Variants in CSMD1 observed in about 807,000 individuals in gnomAD.
CSMD1 encodes the protein CUB and Sushi multiple domains 1, also known as CUB and sushi domain-containing protein 1.
CSMD1 carries 213 observed loss-of-function variants against 417.5 expected under a neutral mutation model. The ratio of observed to expected loss-of-function variants is 0.51; its 90% CI spans 0.46 to 0.57. The LOEUF (loss-of-function observed/expected upper bound fraction) is 0.57, where lower values mean the gene tolerates loss of function less well. Ranked by LOEUF, CSMD1 falls within the 20% of genes least tolerant of loss-of-function variation. CSMD1 has a pLI of 0.00. For missense variants in CSMD1, 6,923 were observed against 4,529.7 expected, an observed-to-expected ratio of 1.53 and a Z score of -15.17; for synonymous variants, 2,862 against 1,736.8, an observed-to-expected ratio of 1.65 and a Z score of -16.11.
intron 1 of CSMD1, among the ~76,000 whole-genome samples, chr8:4,743,443 G>A (rs917774801): frequency 6.6e-6 from 1 of 152,146 alleles, no homozygotes; most frequent in African/African-American, 2.4e-5. Context: ...TGTCAAGAAT[G>A]AGCAGAGTAG....
chr8:4,312,329 A>C (rs936034916), intron 3 of CSMD1, among the ~76,000 whole-genome samples: 3 of 150,622 alleles, frequency 2.0e-5, no homozygotes, highest in Non-Finnish European at 4.4e-5. Flanking sequence ...CTACTTTTTT[A>C]AAAGCAATTT....
intron 2 of CSMD1, among the ~76,000 whole-genome samples, chr8:4,573,892 T>A (rs1265309141): frequency 6.6e-6 from 1 of 152,176 alleles, no homozygotes; most frequent in Non-Finnish European, 1.5e-5. Context: ...TCTGCCCAGT[T>A]CAAACTTCCT....
intron 30 of CSMD1, among the ~76,000 whole-genome samples, chr8:3,210,042 C>T (rs1406971174): frequency 3.3e-5 from 5 of 152,098 alleles, no homozygotes; most frequent in Non-Finnish European, 7.4e-5. Context: ...AAACATTACC[C>T]CACGCATCTA....
chr8:4,045,337 T>C (rs1420847906), intron 3 of CSMD1, among the ~76,000 whole-genome samples: 2 of 152,140 alleles, frequency 1.3e-5, no homozygotes, highest in African/African-American at 2.4e-5. Flanking sequence ...CCATCAATTG[T>C]GTATGATATG....
At chr8:3,356,229 A>G (rs1485896932) in intron 21 of CSMD1, among the ~76,000 whole-genome samples, 1 of 152,200 alleles carries the variant, frequency 6.6e-6, no homozygotes, top group East Asian at 1.9e-4. Flanking sequence ...ATAATTTTAG[A>G]GAAAGGAACA....
intron 1 of CSMD1, among the ~76,000 whole-genome samples, chr8:4,855,808 G>C (rs1352291293): frequency 6.6e-6 from 1 of 151,526 alleles, no homozygotes; most frequent in African/African-American, 2.4e-5. Flanking sequence ...TGAAAGTGAT[G>C]GGGAGAATGG....
intron 5 of CSMD1, among the ~76,000 whole-genome samples, chr8:3,949,231 A>C (rs1225274023): frequency 6.6e-6 from 1 of 152,154 alleles, no homozygotes; most frequent in African/African-American, 2.4e-5. Flanking sequence ...TTCTGTTAGC[A>C]ATTTTGAAAA....
intron 25 of CSMD1, among the ~76,000 whole-genome samples, chr8:3,305,842 G>C (rs547253461): frequency 1.3e-5 from 2 of 152,146 alleles, no homozygotes; most frequent in East Asian, 3.9e-4. Flanking sequence ...ACCACGTGTG[G>C]CTAATTTTTT....
intron 3 of CSMD1, among the ~76,000 whole-genome samples, chr8:4,105,823 C>A (rs1210246892): frequency 6.6e-6 from 1 of 152,172 alleles, no homozygotes; most frequent in Non-Finnish European, 1.5e-5. Flanking sequence ...TACTTGTCAC[C>A]CCTTTTGCTG....
intron 5 of CSMD1, among the ~76,000 whole-genome samples, chr8:3,988,234 G>C (rs963782009): frequency 6.6e-5 from 10 of 152,060 alleles, no homozygotes; most frequent in Non-Finnish European, 1.2e-4. Context: ...ACTCAATATT[G>C]AACCTCGGCT....
chr8:4,241,586 T>C (rs139883985), intron 3 of CSMD1, among the ~76,000 whole-genome samples: 56 of 152,348 alleles, frequency 3.7e-4, no homozygotes, highest in Admixed American at 1.1e-3. Context: ...GGACCCTAAA[T>C]ACCCGGAACA....
intron 3 of CSMD1, among the ~76,000 whole-genome samples, chr8:4,302,521 G>T (rs921085499): frequency 3.3e-5 from 5 of 152,108 alleles, no homozygotes; most frequent in Admixed American, 6.6e-5. Flanking sequence ...CTTGCATGTA[G>T]GAAGTCAGAT....
intron 10 of CSMD1, among the ~76,000 whole-genome samples, chr8:3,504,397 C>A (rs1252110793): frequency 6.6e-6 from 1 of 152,122 alleles, no homozygotes; most frequent in Non-Finnish European, 1.5e-5. Flanking sequence ...GCCGATTTCC[C>A]TGGGGGATTT....
intron 39 of CSMD1, among the ~76,000 whole-genome samples, chr8:3,154,880 T>G (rs764978471): frequency 6.6e-6 from 1 of 152,144 alleles, no homozygotes; most frequent in Non-Finnish European, 1.5e-5. Context: ...TCTATGGACT[T>G]CTCCTCTTAC....
At position 3,383,167 on chromosome 8, in the gene CSMD1, T is replaced by C. The variant is rs369295579; in HGVS notation, c.2782+4327A>G. 3.3e-5 allele frequency among the ~76,000 whole-genome samples: 5 copies of C among 152,314 alleles called. No homozygotes were observed. The East Asian group carries it at 9.6e-4, about 29-fold the overall frequency. On this transcript the variant is annotated intron_variant, in intron 18 of 69. Coordinates refer to ENST00000635120, the MANE Select transcript of CSMD1 (RefSeq NM_033225.6). ...AAAAGATAAACATAAGTTTTTACTTTTAGGGGTGATTAACAAGTTATAGAT... is the reference window on the plus strand; with the variant it reads ...AAAAGATAAACATAAGTTTTTACTTCTAGGGGTGATTAACAAGTTATAGAT...
At chr8:4,352,817 T>C (rs1018292440) in intron 3 of CSMD1, among the ~76,000 whole-genome samples, 1 of 152,218 alleles carries the variant, frequency 6.6e-6, no homozygotes, top group African/African-American at 2.4e-5. Context: ...CATTTCAAGA[T>C]GGTTCAAACG....
chr8:4,295,291 CTT>C (rs1251919925), intron 3 of CSMD1, among the ~76,000 whole-genome samples: 1 of 105,444 alleles, frequency 9.5e-6, no homozygotes, highest in African/African-American at 3.1e-5. Context: ...CACATATAAT[CTT>C]AAGATTATCT....
intron 1 of CSMD1, among the ~76,000 whole-genome samples, chr8:4,898,817 TAATC>T (rs1043844493): frequency 2.0e-5 from 3 of 152,190 alleles, no homozygotes; most frequent in Non-Finnish European, 4.4e-5. Context: ...TATTTTCTAT[TAATC>T]AAAAGTTGTG....
At chr8:3,936,990 C>T (rs913351515) in intron 5 of CSMD1, among the ~76,000 whole-genome samples, 5 of 152,062 alleles carry the variant, frequency 3.3e-5, no homozygotes, top group Admixed American at 2.0e-4. Flanking sequence ...TTTCAATCCT[C>T]GTGAATGACT....
Sources: allele counts gnomAD v4.1 joint callset (sites outside exome capture counted in the v4.1 genomes callset), GRCh38; gene constraint gnomAD v4.1.1; transcripts MANE v1.5; gene names NCBI Gene and HGNC (gene_info 2026-07-23, HGNC 2026-07-21).